The following SUPT3H variants were observed in gnomAD, a reference collection of about 807,000 sequenced individuals.
SUPT3H encodes the protein SPT3 homolog, SAGA and STAGA complex component.
In SUPT3H, 44 loss-of-function variants were observed where a neutral mutation model predicts 44.3. That is an observed-to-expected ratio of 0.99 (90% CI 0.78 to 1.28). The LOEUF (loss-of-function observed/expected upper bound fraction) is 1.28. Among genes scored for constraint, SUPT3H ranks in the 50% most tolerant of loss-of-function variants. The pLI, the probability that SUPT3H is intolerant of heterozygous loss-of-function variation, is 0.00. For synonymous variants in SUPT3H, 124 were observed against 125.6 expected (o/e 0.99, Z 0.09); for missense variants, 380 against 387.1 (o/e 0.98, Z 0.15).
At chr6:45,304,017 A>T (rs905447952) in intron 2 of SUPT3H, among the ~76,000 whole-genome samples, 119 of 152,048 alleles carry the variant, frequency 7.8e-4, no homozygotes, top group African/African-American at 2.7e-3. Context: ...CTTTAAATTA[A>T]ATTTGTTGTA....
At chr6:45,020,811 A>C (rs537801165) in intron 3 of SUPT3H, among the ~76,000 whole-genome samples, 179 bp from the exon 4 acceptor site, 65 of 152,110 alleles carry the variant, frequency 4.3e-4, no homozygotes, top group African/African-American at 1.5e-3. Context: ...TAAAACATGC[A>C]ATTAAATTAA....
chr6:44,906,663 G>A (rs1766138710), intron 10 of SUPT3H, among the ~76,000 whole-genome samples: 1 of 152,160 alleles, frequency 6.6e-6, no homozygotes, highest in East Asian at 1.9e-4. Flanking sequence ...TTGGGAGGCT[G>A]AGGCAGGAGA....
chr6:45,038,541 T>C (rs1160595400), intron 3 of SUPT3H, among the ~76,000 whole-genome samples: 2 of 152,196 alleles, frequency 1.3e-5, no homozygotes, highest in African/African-American at 2.4e-5. Flanking sequence ...CATTGAATAA[T>C]ATTGGTTAGT....
chr6:45,168,796 C>A (rs779354930), intron 2 of SUPT3H, among the ~76,000 whole-genome samples: 7 of 152,026 alleles, frequency 4.6e-5, no homozygotes, highest in Non-Finnish European at 1.0e-4. Flanking sequence ...GAAAGAAAAG[C>A]GTTTTGCTAC....
chr6:45,322,296 T>C (rs892325707), intron 2 of SUPT3H, among the ~76,000 whole-genome samples: 1 of 151,804 alleles, frequency 6.6e-6, no homozygotes, highest in Non-Finnish European at 1.5e-5. Flanking sequence ...TTAGTTTCAA[T>C]GCTTTCAAGC....
At chr6:45,344,337 A>T (rs1331930015) in intron 2 of SUPT3H, among the ~76,000 whole-genome samples, 1 of 151,982 alleles carries the variant, frequency 6.6e-6, no homozygotes, top group Non-Finnish European at 1.5e-5. Flanking sequence ...CTGTATACTT[A>T]TTTTTGCTCT....
intron 2 of SUPT3H, among the ~76,000 whole-genome samples, chr6:45,108,168 C>A (rs1447156573): frequency 6.6e-6 from 1 of 152,108 alleles, no homozygotes; most frequent in Non-Finnish European, 1.5e-5. Context: ...CCAGGCAAAG[C>A]AATTAGGTAA....
intron 11 of SUPT3H, among the ~76,000 whole-genome samples, chr6:44,812,964 C>T (rs559322): frequency 0.96 from 146,694 of 152,250 alleles, 70,916 homozygotes; most frequent in East Asian, 1. Context: ...GAGCAGCAGA[C>T]GGAAGGCTAA....
intron 7 of SUPT3H, among the ~76,000 whole-genome samples, chr6:44,959,063 T>C (rs1409839048): frequency 1.3e-5 from 2 of 151,960 alleles, no homozygotes; most frequent in Non-Finnish European, 2.9e-5. Flanking sequence ...TGTTTGTTTG[T>C]ATTTTTAGTA....
chr6:44,826,165 T>C (rs1277674604), downstream of SUPT3H, among the ~76,000 whole-genome samples: 1 of 152,228 alleles, frequency 6.6e-6, no homozygotes, highest in Non-Finnish European at 1.5e-5. Context: ...CTGGCCCTTA[T>C]TTAACCATCA....
rs772734938 is a variant in SUPT3H, at chr6:45,172,304, C to T, written c.102-66298G>A. ...GCCAGAATGGTCTCGATCTCTGGAC[C>T]TCATGATCCGCCCCCCTCGGCCTCC... On this transcript the variant is annotated intron_variant, in intron 2 of 10. Transcript: ENST00000371459. Among the ~76,000 whole-genome samples, 3 of 151,788 alleles carry T rather than the reference C, an allele frequency of 2.0e-5. No individual in the cohort carries two copies. In the East Asian group the frequency reaches 5.9e-4, roughly 30 times the overall value.
chr6:45,215,214 T>A (rs894939676), intron 2 of SUPT3H, among the ~76,000 whole-genome samples: 5 of 151,756 alleles, frequency 3.3e-5, no homozygotes, highest in African/African-American at 1.2e-4. Flanking sequence ...TTAACAAAAT[T>A]AACATAAAAT....
In SUPT3H at chr6:45,255,690, T is replaced by C. The variant is rs1159181153; in HGVS notation, c.101+109511A>G. ...CTCCCGCATCACCCTCCCAAAGTGG[T>C]TGGACTAAAAGCATGACCCATCAAA... On this transcript the variant is annotated intron_variant, in intron 2 of 10. Coordinates refer to ENST00000371459, the MANE Select transcript of SUPT3H (RefSeq NM_003599.4). 3.9e-5 allele frequency among the ~76,000 whole-genome samples: 6 copies of C among 152,100 alleles called. No individual in the cohort carries two copies. In the South Asian group the frequency reaches 8.3e-4, roughly 21 times the overall value.
chr6:44,949,215 G>C (rs956016383), intron 9 of SUPT3H, among the ~76,000 whole-genome samples: 6 of 151,796 alleles, frequency 4.0e-5, no homozygotes, highest in Non-Finnish European at 7.4e-5. Context: ...ACAGGGTGGG[G>C]AACATCACAC....
At chr6:45,228,938 C>A (rs1767446344) in intron 2 of SUPT3H, among the ~76,000 whole-genome samples, 1 of 152,070 alleles carries the variant, frequency 6.6e-6, no homozygotes, top group Non-Finnish European at 1.5e-5. Context: ...CCGTGCCCAA[C>A]CTAAAAATAA....
intron 2 of SUPT3H, among the ~76,000 whole-genome samples, chr6:45,158,051 AATTT>A (rs1238330856): frequency 3.4e-5 from 5 of 147,178 alleles, no homozygotes; most frequent in Non-Finnish European, 7.5e-5. Context: ...TCACATTTAT[AATTT>A]ATTTATAAAT....
At chr6:45,137,312 C>A (rs1205276765) in intron 2 of SUPT3H, among the ~76,000 whole-genome samples, 3 of 151,362 alleles carry the variant, frequency 2.0e-5, no homozygotes, top group Admixed American at 1.3e-4. Flanking sequence ...ATCAATCAAG[C>A]AAAAAGAAAA....
At chr6:45,245,127 G>C (rs1771113453) in intron 2 of SUPT3H, among the ~76,000 whole-genome samples, 1 of 151,954 alleles carries the variant, frequency 6.6e-6, no homozygotes, top group Non-Finnish European at 1.5e-5. Flanking sequence ...GTTTTTCATT[G>C]CAAATGTGTA....
chr6:44,859,845 T>C (rs1253901047), intron 10 of SUPT3H, among the ~76,000 whole-genome samples: 1 of 152,236 alleles, frequency 6.6e-6, no homozygotes, highest in African/African-American at 2.4e-5. Flanking sequence ...TTCTTGTCCT[T>C]ACAATATAAT....
Sources: allele counts gnomAD v4.1 joint callset (sites outside exome capture counted in the v4.1 genomes callset), GRCh38; gene constraint gnomAD v4.1.1; transcripts MANE v1.5; gene names NCBI Gene and HGNC (gene_info 2026-07-23, HGNC 2026-07-21).